ADORA2B: variants seen among roughly 807,000 people sequenced by gnomAD.
The protein encoded by ADORA2B is adenosine receptor A2b.
In ADORA2B, 18 loss-of-function variants were observed where a neutral mutation model predicts 20.8. That is an observed-to-expected ratio of 0.87 (90% CI 0.60 to 1.29). ADORA2B has a LOEUF of 1.29. ADORA2B is among the 50% of genes most tolerant of loss of function. ADORA2B has a pLI of 0.00. For missense variants in ADORA2B, 441 were observed against 422.7 expected (o/e 1.04, Z -0.38); for synonymous variants, 179 against 178.3 (o/e 1.00, Z -0.03).
At chr17:15,958,179 C>T (rs1283229061) in intron 1 of ADORA2B, among the ~76,000 whole-genome samples, 7 of 152,054 alleles carry the variant, frequency 4.6e-5, no homozygotes, top group Non-Finnish European at 8.8e-5. Context: ...CCACTGCATC[C>T]GGCTAATTTT....
the ADORA2B span, among the ~76,000 whole-genome samples, chr17:15,870,378 C>A: frequency 1.3e-5 from 2 of 151,884 alleles, no homozygotes; most frequent in Non-Finnish European, 2.9e-5. Context: ...GTGGCTCACA[C>A]CAGTAATCCC....
At chr17:15,936,897 A>G in the ADORA2B span, among the ~76,000 whole-genome samples, 3 of 152,220 alleles carry the variant, frequency 2.0e-5, no homozygotes, top group Admixed American at 1.3e-4. Flanking sequence ...TCGAGACTGC[A>G]GTGAATCATG....
the ADORA2B span, among the ~76,000 whole-genome samples, chr17:15,931,170 GC>G: frequency 6.6e-6 from 1 of 152,110 alleles, no homozygotes; most frequent in Non-Finnish European, 1.5e-5. Context: ...TTTAAAAGGA[GC>G]CACACAGATA....
chr17:15,903,201 G>A, the ADORA2B span, among the ~76,000 whole-genome samples: 1 of 152,076 alleles, frequency 6.6e-6, no homozygotes, highest in South Asian at 2.1e-4. Context: ...GTCTATTTTG[G>A]GTCTGGCTTT....
At chr17:15,941,978 G>A (rs1438483303), upstream of ADORA2B, among the ~76,000 whole-genome samples, 1 of 151,602 alleles carries the variant, frequency 6.6e-6, no homozygotes, top group African/African-American at 2.4e-5. Context: ...GTGAGTCAGA[G>A]GGTACCAGGT....
chr17:15,918,360 G>A, the ADORA2B span, among the ~76,000 whole-genome samples: 12 of 152,294 alleles, frequency 7.9e-5, no homozygotes, highest in Non-Finnish European at 1.8e-4. Flanking sequence ...CTTAAAAGTC[G>A]GAGTCTTAAA....
the ADORA2B span, among the ~76,000 whole-genome samples, chr17:15,876,982 CAT>C: frequency 5.9e-5 from 9 of 152,274 alleles, 2 homozygotes; most frequent in African/African-American, 2.2e-4. Flanking sequence ...CTAGGTACCT[CAT>C]GTAAGTGAAA....
At chr17:15,877,124 G>T in the ADORA2B span, among the ~76,000 whole-genome samples, 1 of 152,094 alleles carries the variant, frequency 6.6e-6, no homozygotes, top group Non-Finnish European at 1.5e-5. Context: ...ATATATGTTT[G>T]CTATCATATA....
chr17:15,864,917 T>C, the ADORA2B span, among the ~76,000 whole-genome samples: 3 of 150,932 alleles, frequency 2.0e-5, no homozygotes, highest in Non-Finnish European at 2.9e-5. Flanking sequence ...ATCAGTGAGG[T>C]AGTGGTGTGG....
the ADORA2B span, among the ~76,000 whole-genome samples, chr17:15,876,601 AT>A: frequency 6.6e-6 from 1 of 150,586 alleles, no homozygotes; most frequent in Non-Finnish European, 1.5e-5. Context: ...TAATTATCAT[AT>A]TTTTTTCTCC....
chr17:15,907,928 C>T, the ADORA2B span, among the ~76,000 whole-genome samples: 1 of 152,220 alleles, frequency 6.6e-6, no homozygotes, highest in Non-Finnish European at 1.5e-5. Context: ...GAATGGCAGC[C>T]CGCACAATGG....
chr17:15,886,081 G>C, the ADORA2B span, among the ~76,000 whole-genome samples: 2 of 152,192 alleles, frequency 1.3e-5, no homozygotes, highest in African/African-American at 2.4e-5. Context: ...GCTCATATCA[G>C]TTAACCTACA....
chr17:15,904,798 A>G, the ADORA2B span, among the ~76,000 whole-genome samples: 2 of 152,120 alleles, frequency 1.3e-5, no homozygotes, highest in Non-Finnish European at 2.9e-5. Context: ...AGTTATTTCA[A>G]CACCATTTGT....
the ADORA2B span, among the ~76,000 whole-genome samples, chr17:15,904,482 G>A: frequency 6.6e-6 from 1 of 150,922 alleles, no homozygotes; most frequent in Non-Finnish European, 1.5e-5. Flanking sequence ...CCACCTCCCG[G>A]GTTCATGCCA....
At position 15,960,651 on chromosome 17, in the gene ADORA2B, C is replaced by A. The variant is rs1970023269; in HGVS notation, c.336-14028C>A. 2.0e-5 allele frequency among the ~76,000 whole-genome samples: 3 copies of A among 151,074 alleles called. No homozygotes were observed. In the Admixed American group the frequency reaches 2.0e-4, roughly 10 times the overall value. On this transcript the variant is annotated intron_variant, in intron 1 of 1. Transcript: ENST00000304222. ...CTTTGGGAGGCGAAGGCAGGCAGAT[C>A]ATGAGGTCAGGAGATCGAGACCATC...
At chr17:15,860,317 T>C in the ADORA2B span, among the ~76,000 whole-genome samples, 1 of 152,182 alleles carries the variant, frequency 6.6e-6, no homozygotes, top group African/African-American at 2.4e-5. Context: ...TCTTATCTGC[T>C]ACAGAATGAT....
chr17:15,951,036 A>G (rs1400776624), intron 1 of ADORA2B, among the ~76,000 whole-genome samples: 1 of 152,226 alleles, frequency 6.6e-6, no homozygotes, highest in African/African-American at 2.4e-5. Context: ...GGATGAATGC[A>G]TGAGTGACTG....
chr17:15,911,854 A>G, the ADORA2B span, among the ~76,000 whole-genome samples: 3 of 152,202 alleles, frequency 2.0e-5, no homozygotes. Flanking sequence ...GCTTCAGCCC[A>G]GGAGTTCAAG....
the ADORA2B span, among the ~76,000 whole-genome samples, chr17:15,894,214 A>G: frequency 6.6e-6 from 1 of 152,228 alleles, no homozygotes; most frequent in Non-Finnish European, 1.5e-5. Context: ...CTGAACTGTC[A>G]TGCCCTCCTG....
Sources: allele counts gnomAD v4.1 joint callset (sites outside exome capture counted in the v4.1 genomes callset), GRCh38; gene constraint gnomAD v4.1.1; transcripts MANE v1.5; gene names NCBI Gene and HGNC (gene_info 2026-07-23, HGNC 2026-07-21).